The following SLC9C1 variants were observed in gnomAD, a reference collection of about 807,000 sequenced individuals.
SLC9C1 encodes solute carrier family 9 member C1, also known as sodium/hydrogen exchanger 10.
Under a neutral mutation model 140.9 loss-of-function variants are expected in SLC9C1, and 97 were observed. The observed-to-expected ratio is 0.69, with a 90% CI of 0.58 to 0.82. The LOEUF is 0.82. Ranked by LOEUF, SLC9C1 falls within the 40% of genes least tolerant of loss-of-function variation. The pLI, the probability that SLC9C1 is intolerant of heterozygous loss-of-function variation, is 0.00. For synonymous variants in SLC9C1, 440 were observed against 442.6 expected (o/e 0.99, Z 0.07); for missense variants, 1,340 against 1,389.3 (o/e 0.96, Z 0.56).
intron 13 of SLC9C1, among the ~76,000 whole-genome samples, chr3:112,221,924 T>C (rs2078551798): frequency 6.6e-6 from 1 of 152,176 alleles, no homozygotes; most frequent in Admixed American, 6.6e-5. Context: ...TGAAATATAT[T>C]ATGTGACCAA....
At chr3:112,227,729 C>T (rs995469291) in intron 13 of SLC9C1, among the ~76,000 whole-genome samples, 1 of 152,000 alleles carries the variant, frequency 6.6e-6, no homozygotes, top group African/African-American at 2.4e-5. Flanking sequence ...TTGCAGGATA[C>T]AATATTAACA....
chr3:112,184,568 G>A lies in SLC9C1; in HGVS notation c.2524-2310C>T, dbSNP rs374475017. Among the ~76,000 whole-genome samples, 77 of 152,178 alleles carry A rather than the reference G, an allele frequency of 5.1e-4. 1 individual carries two copies. In the East Asian group the frequency reaches 0.011, roughly 21 times the overall value. ...GGAGATTCGCTTGAACCCGGGAGAC[G>A]GGGGTTGCAGTGAGCCGAAATCTTG... On this transcript the variant is annotated intron_variant, in intron 20 of 28. Coordinates refer to ENST00000305815, the MANE Select transcript of SLC9C1 (RefSeq NM_183061.3).
intron 20 of SLC9C1, among the ~76,000 whole-genome samples, chr3:112,194,316 G>T (rs563461090): frequency 1.3e-5 from 2 of 152,152 alleles, no homozygotes; most frequent in South Asian, 2.1e-4. Flanking sequence ...GCCAATATGC[G>T]TGGGGGAGAT....
In SLC9C1 at chr3:112,151,958, T is replaced by C. The variant is rs2074994643; in HGVS notation, c.3423A>G (p.Gly1141=). The change falls in exon 28 of 29, where the codon GGA becomes GGG. Residue 1141 remains glycine, a synonymous_variant. Coordinates refer to ENST00000305815, the MANE Select transcript of SLC9C1 (RefSeq NM_183061.3). ...IQEERNVKED[G]AHSAATARSP... ...TCCTGGCAGTGGCGGCACTGTGTGC[T>C]CCATCCTGGGATTCAAAACACTTTG... is the stretch of plus-strand genomic sequence containing the variant. The C allele has an allele frequency of 1.3e-6, 2 of 1,590,354 alleles. No homozygotes were observed. The highest frequency in any genetic ancestry group is 1.2e-5 in the South Asian group (1 of 86,300).
chr3:112,158,199 A>G (rs1249896822), intron 26 of SLC9C1, among the ~76,000 whole-genome samples: 2 of 151,936 alleles, frequency 1.3e-5, no homozygotes, highest in Non-Finnish European at 2.9e-5. Context: ...TTCCTTCTAT[A>G]TTCAATTTGT....
intron 6 of SLC9C1, among the ~76,000 whole-genome samples, chr3:112,274,305 T>C (rs2080156447): frequency 6.6e-6 from 1 of 152,100 alleles, no homozygotes; most frequent in Admixed American, 6.6e-5. Flanking sequence ...ATAATATACA[T>C]ATATCATTTA....
chr3:112,275,760 AGAAGAAACACCAAG>A (rs2080195706), intron 5 of SLC9C1, among the ~76,000 whole-genome samples: 1 of 152,200 alleles, frequency 6.6e-6, no homozygotes, highest in Admixed American at 6.6e-5. Context: ...CTGATAGAAG[AGAAGAAACACCAAG>A]GCTGTTCCTG....
intron 2 of SLC9C1, 142 bp from the exon 3 acceptor site, chr3:112,280,925 C>A: frequency 1.4e-6 from 1 of 710,278 alleles, no homozygotes; most frequent in South Asian, 1.7e-5. Flanking sequence ...TCACACTTAT[C>A]AGCACACAGA....
At chr3:112,223,672 T>C (rs1434408673) in intron 13 of SLC9C1, among the ~76,000 whole-genome samples, 1 of 146,374 alleles carries the variant, frequency 6.8e-6, no homozygotes, top group African/African-American at 2.5e-5. Flanking sequence ...AAGAGAGGAG[T>C]GAAAGAAGAT....
At position 112,155,051 on chromosome 3, in the gene SLC9C1, TG is replaced by T; in HGVS notation, c.3365-3del. 6.6e-7 allele frequency: 1 copy of T among 1,518,686 alleles called. No individual in the cohort carries two copies. The highest frequency in any genetic ancestry group is 2.2e-5 in the Admixed American group (1 of 45,020). The allele number at this position is 1,518,686 out of a possible 1,614,324, so 94.1% of individuals were successfully genotyped here. A position where few individuals can be genotyped will look rare whatever the true frequency, so the allele number is the denominator to read the frequency against. ...CTTCTTCCAATGTTCCAACTGAACC[TG>T]ATTAAAAAAAAAAAAAACAGTGTTA... On this transcript the variant is annotated splice_polypyrimidine_tract_variant and splice_region_variant and intron_variant, in intron 26 of 28. Transcript: ENST00000305815.
At chr3:112,243,298 TGTG>T (rs1331923149) in intron 11 of SLC9C1, among the ~76,000 whole-genome samples, 1 of 152,130 alleles carries the variant, frequency 6.6e-6, no homozygotes, top group Non-Finnish European at 1.5e-5. Flanking sequence ...ATAAAGAAAA[TGTG>T]GTACAGATAC....
chr3:112,189,837 T>G (rs747283351), intron 20 of SLC9C1, among the ~76,000 whole-genome samples: 10 of 152,238 alleles, frequency 6.6e-5, no homozygotes, highest in Non-Finnish European at 1.3e-4. Flanking sequence ...ATGGCCATTT[T>G]CATGATATTG....
chr3:112,227,363 C>G (rs2078709432), intron 13 of SLC9C1, among the ~76,000 whole-genome samples: 1 of 152,108 alleles, frequency 6.6e-6, no homozygotes, highest in Admixed American at 6.6e-5. Flanking sequence ...CAAACAAAGT[C>G]TAACAGCACA....
intron 13 of SLC9C1, among the ~76,000 whole-genome samples, chr3:112,230,451 A>C (rs2078790359): frequency 1.3e-5 from 2 of 152,208 alleles, no homozygotes; most frequent in South Asian, 4.1e-4. Context: ...ATTTGGTAGG[A>C]CAAGTGGAAA....
rs773286367 is a variant in SLC9C1 at position 112,239,975 on chromosome 3, T to G, written c.1311A>C (p.Lys437Asn). The part of the protein sequence containing the change: ...GLRDATSTKY[K>N]SVCCTFQHFQ... ...AGTGTTGAAATGTGCAACAAACCGA[T>G]TTATATTTTGTTGATGTGGCATCAC... Residue 437 changes from lysine to asparagine, a missense_variant, in exon 12 of 29, where the codon AAA becomes AAC. Physicochemically the swap from Lys to Asn is moderately conservative, Grantham distance 94. Coordinates refer to ENST00000305815, the MANE Select transcript of SLC9C1 (RefSeq NM_183061.3). The G allele has an allele frequency of 1.2e-6, 2 of 1,612,318 alleles. No homozygotes were observed. The highest frequency in any genetic ancestry group is 1.7e-6 in the Non-Finnish European group (2 of 1,179,492).
At chr3:112,194,195 CTG>C (rs2077723235) in intron 20 of SLC9C1, among the ~76,000 whole-genome samples, 1 of 152,164 alleles carries the variant, frequency 6.6e-6, no homozygotes, top group South Asian at 2.1e-4. Context: ...TTTGGAAAGA[CTG>C]TGCGATACTT....
chr3:112,231,242 T>A, intron 13 of SLC9C1, 119 bp downstream of exon 13: 1 of 1,186,694 alleles, frequency 8.4e-7, no homozygotes, highest in Non-Finnish European at 1.2e-6. Flanking sequence ...AATGTCAAAC[T>A]TCCCTTTGCC....
At chr3:112,197,835 A>G (rs1560053465) in intron 20 of SLC9C1, among the ~76,000 whole-genome samples, 1 of 152,164 alleles carries the variant, frequency 6.6e-6, no homozygotes, top group Non-Finnish European at 1.5e-5. Context: ...AAGGTTTATT[A>G]AATTAACTGA....
chr3:112,179,438 T>C, intron 23 of SLC9C1, 93 bp downstream of exon 23: 1 of 1,366,086 alleles, frequency 7.3e-7, no homozygotes, highest in Non-Finnish European at 9.9e-7. Flanking sequence ...AATTGTCAAC[T>C]AGACTGTAAA....
Sources: gnomAD v4.1 joint callset for allele counts (sites outside exome capture counted in the v4.1 genomes callset) on GRCh38, gnomAD v4.1.1 for gene constraint, MANE v1.5 for transcripts, NCBI Gene and HGNC (gene_info 2026-07-23, HGNC 2026-07-21) for gene names.